The following NR6A1 variants were observed in gnomAD, a reference collection of about 807,000 sequenced individuals.
The protein encoded by NR6A1 is nuclear receptor subfamily 6 group A member 1.
Under a neutral mutation model 59.1 loss-of-function variants are expected in NR6A1, and 7 were observed. That is an observed-to-expected ratio of 0.12 (90% CI 0.07 to 0.22). The LOEUF is 0.22. NR6A1 is among the 10% of genes least tolerant of loss of function. NR6A1 has a pLI of 1.00. For synonymous variants in NR6A1, 243 were observed against 236.1 expected, an observed-to-expected ratio of 1.03 and a Z score of -0.27; for missense variants, 468 against 611.6, an observed-to-expected ratio of 0.77 and a Z score of 2.48.
intron 2 of NR6A1, among the ~76,000 whole-genome samples, chr9:124,693,222 A>G (rs1288862910): frequency 4.6e-5 from 7 of 152,188 alleles, no homozygotes; most frequent in Non-Finnish European, 7.3e-5. Context: ...TTTCTCACAT[A>G]TAAAACAGAG....
At chr9:124,665,122 G>A (rs903761878) in intron 2 of NR6A1, among the ~76,000 whole-genome samples, 2 of 150,624 alleles carry the variant, frequency 1.3e-5, no homozygotes, top group Admixed American at 6.6e-5. Context: ...TGAGGTTGAG[G>A]CTGCAGGGAG....
chr9:124,536,248 C>T, intron 6 of NR6A1, 116 bp from the exon 7 acceptor site: 1 of 1,151,000 alleles, frequency 8.7e-7, no homozygotes, highest in Non-Finnish European at 1.2e-6. Context: ...CTCCTTGCTC[C>T]ATGCCCACGG....
chr9:124,627,882 CTTTTTTTTTTTTTTTT>C (rs59874800), intron 2 of NR6A1, among the ~76,000 whole-genome samples: 6 of 83,778 alleles, frequency 7.2e-5, no homozygotes, highest in African/African-American at 1.6e-4. Context: ...CTGAGATTTT[CTTTTTTTTTTTTTTTT>C]TTTTTTTTTT....
chr9:124,631,915 G>A (rs550311513), intron 2 of NR6A1, among the ~76,000 whole-genome samples: 153 of 152,244 alleles, frequency 1.0e-3, no homozygotes, highest in African/African-American at 3.4e-3. Flanking sequence ...GAGAACATGC[G>A]GTATTTGGCT....
intron 2 of NR6A1, among the ~76,000 whole-genome samples, chr9:124,633,511 T>C (rs188277066): frequency 2.4e-4 from 36 of 150,728 alleles, no homozygotes; most frequent in Non-Finnish European, 4.1e-4. Context: ...GGCTAAAACA[T>C]AGACTCAATG....
intron 2 of NR6A1, among the ~76,000 whole-genome samples, chr9:124,655,430 A>C (rs573032448): frequency 2.0e-5 from 3 of 152,338 alleles, no homozygotes; most frequent in African/African-American, 7.2e-5. Flanking sequence ...AATGTATTCA[A>C]AACATCTGGC....
intron 2 of NR6A1, among the ~76,000 whole-genome samples, chr9:124,671,872 C>T (rs188859904): frequency 1.0e-3 from 155 of 152,226 alleles, no homozygotes; most frequent in Non-Finnish European, 1.9e-3. Context: ...AACAGTTCAA[C>T]GAACTTTTAC....
At chr9:124,574,493 TAAAG>T (rs758973599) in intron 2 of NR6A1, among the ~76,000 whole-genome samples, 3 of 152,348 alleles carry the variant, frequency 2.0e-5, no homozygotes, top group Non-Finnish European at 2.9e-5. Context: ...TCTCCAGTGA[TAAAG>T]AGCTTACTTC....
chr9:124,681,882 A>G lies in NR6A1; in HGVS notation c.142+51426T>C, dbSNP rs528760783. On this transcript the variant is annotated intron_variant, in intron 2 of 9. Coordinates refer to ENST00000487099, the MANE Select transcript of NR6A1 (RefSeq NM_033334.4). ...TCATGCTTGGGTAAAAGATCCATGA[A>G]AAATGCAAGATAGACAAATGAATTT... Among the ~76,000 whole-genome samples the G allele has an allele frequency of 3.3e-5, 5 of 152,370 alleles. No individual in the cohort carries two copies. In the South Asian group the frequency reaches 1.0e-3, roughly 32 times the overall value.
intron 2 of NR6A1, among the ~76,000 whole-genome samples, chr9:124,678,498 G>GTTT: frequency 6.6e-6 from 1 of 152,328 alleles, no homozygotes; most frequent in South Asian, 2.1e-4. Context: ...GACAGAAGAT[G>GTTT]TAAGTGTAAT....
At chr9:124,603,575 A>G (rs1019124583) in intron 2 of NR6A1, among the ~76,000 whole-genome samples, 9 of 152,184 alleles carry the variant, frequency 5.9e-5, no homozygotes, top group African/African-American at 2.2e-4. Context: ...TTCCTGCATC[A>G]GTGTAGAACC....
intron 2 of NR6A1, among the ~76,000 whole-genome samples, chr9:124,605,444 A>G (rs943158079): frequency 3.3e-5 from 5 of 152,190 alleles, no homozygotes; most frequent in African/African-American, 4.8e-5. Context: ...TCTAGGCTAC[A>G]CTGAGCTGTG....
At chr9:124,737,555 CAG>C (rs1159857175) in intron 1 of NR6A1, among the ~76,000 whole-genome samples, 5 of 152,206 alleles carry the variant, frequency 3.3e-5, no homozygotes, top group African/African-American at 1.2e-4. Context: ...CAAAGGCAAT[CAG>C]AGTTGTTCAG....
chr9:124,537,942 A>G, intron 6 of NR6A1, 150 bp downstream of exon 6: 1 of 615,078 alleles, frequency 1.6e-6, no homozygotes, highest in Non-Finnish European at 2.8e-6. Context: ...ACTGGTTTCA[A>G]AGATAAGCAC....
Position 124,566,548 on chromosome 9 carries a change from G to A in NR6A1, c.143-11978C>T, listed in dbSNP as rs1021231715. On this transcript the variant is annotated intron_variant, in intron 2 of 9. Transcript: ENST00000487099. ...TAGAGACATCTTACGGAGGAATGGT[G>A]GGAGATACATCTTGAAAACTGATTT... Among the ~76,000 whole-genome samples the A allele has an allele frequency of 1.3e-5, 2 of 152,178 alleles. 1 individual carries two copies. Among genetic ancestry groups the A allele is most frequent in the Admixed American group, 1.3e-4 (2 of 15,278 alleles).
intron 2 of NR6A1, among the ~76,000 whole-genome samples, chr9:124,679,188 A>G (rs1264506641): frequency 1.3e-5 from 2 of 152,218 alleles, no homozygotes; most frequent in Non-Finnish European, 2.9e-5. Flanking sequence ...CTTGAAGTTA[A>G]TCTCACAGAG....
chr9:124,606,832 T>C (rs925407723), intron 2 of NR6A1, among the ~76,000 whole-genome samples: 2 of 152,330 alleles, frequency 1.3e-5, no homozygotes, highest in South Asian at 2.1e-4. Flanking sequence ...TCCCTGTCAA[T>C]AGGAACTTGA....
intron 4 of NR6A1, 122 bp from the exon 5 acceptor site, chr9:124,540,309 C>T: frequency 9.2e-7 from 1 of 1,087,848 alleles, no homozygotes; most frequent in Non-Finnish European, 1.3e-6. Flanking sequence ...CTCCTCCATC[C>T]CCATATTCCG....
At chr9:124,675,347 C>A (rs538461089) in intron 2 of NR6A1, among the ~76,000 whole-genome samples, 1 of 152,140 alleles carries the variant, frequency 6.6e-6, no homozygotes, top group African/African-American at 2.4e-5. Flanking sequence ...TGTAACTTCT[C>A]GAAAAAATAC....
Sources: gnomAD v4.1 joint callset for allele counts (sites outside exome capture counted in the v4.1 genomes callset) on GRCh38, gnomAD v4.1.1 for gene constraint, MANE v1.5 for transcripts, NCBI Gene and HGNC (gene_info 2026-07-23, HGNC 2026-07-21) for gene names.